PDE1C: variants seen among roughly 807,000 people sequenced by gnomAD.
The protein encoded by PDE1C is dual specificity calcium/calmodulin-dependent 3',5'-cyclic nucleotide phosphodiesterase 1C.
A neutral mutation model predicts 93.1 loss-of-function variants in PDE1C; 62 were observed. The observed-to-expected ratio is 0.67, with a 90% confidence interval of 0.54 to 0.82. PDE1C has a LOEUF of 0.82. Among genes scored for constraint, PDE1C ranks in the 40% least tolerant of loss-of-function variants. The pLI is 0.00. For synonymous variants in PDE1C, 325 were observed against 310.1 expected (o/e 1.05, Z -0.50); for missense variants, 742 against 884.6 (o/e 0.84, Z 2.04).
Position 31,848,104 on chromosome 7 carries a change from G to T in PDE1C, c.852-8C>A. The T allele has an allele frequency of 1.2e-6, 2 of 1,610,328 alleles. No homozygotes were observed. Among genetic ancestry groups the T allele is most frequent in the Admixed American group, 1.7e-5 (1 of 59,636 alleles). ...AGAATAGCTGGATCAGACCTGAACA[G>T]AAAGCCAAGCAAAATTCAGAATGTT... On this transcript the variant is annotated splice_region_variant and splice_polypyrimidine_tract_variant and intron_variant, in intron 8 of 17. Coordinates refer to ENST00000396191, the MANE Select transcript of PDE1C (RefSeq NM_001191057.4).
chr7:32,093,155 G>T (rs1000424834), intron 3 of PDE1C, among the ~76,000 whole-genome samples: 2 of 152,178 alleles, frequency 1.3e-5, no homozygotes, highest in South Asian at 2.1e-4. Flanking sequence ...TACATAGAAG[G>T]GTAGGTAGAA....
the PDE1C span, among the ~76,000 whole-genome samples, chr7:31,730,203 T>A: frequency 6.6e-6 from 1 of 152,140 alleles, no homozygotes; most frequent in Admixed American, 6.5e-5. Flanking sequence ...AATTAGGTAG[T>A]TCACCAATAG....
At chr7:32,223,997 C>T (rs190216984) in intron 1 of PDE1C, among the ~76,000 whole-genome samples, 2 of 152,210 alleles carry the variant, frequency 1.3e-5, no homozygotes, top group East Asian at 3.9e-4. Flanking sequence ...AGCTGCTCCA[C>T]CTGCGGCCTT....
intron 5 of PDE1C, among the ~76,000 whole-genome samples, chr7:31,875,831 A>ATATATATATG (rs761399274): frequency 0.012 from 1,096 of 90,002 alleles, 86 homozygotes; most frequent in East Asian, 0.029. Context: ...ATATATATAT[A>ATATATATATG]TATAATGGAA....
intron 1 of PDE1C, among the ~76,000 whole-genome samples, chr7:32,285,042 A>AG (rs1335959116): frequency 1.3e-5 from 2 of 151,870 alleles, no homozygotes; most frequent in Non-Finnish European, 2.9e-5. Context: ...AAAAAAAAAA[A>AG]AGAAAAAAGA....
At chr7:31,643,388 A>G in the PDE1C span, 2 of 1,613,962 alleles carry the variant, frequency 1.2e-6, no homozygotes. Flanking sequence ...CTGCCTGGAG[A>G]TCCTGCCCAG....
chr7:31,942,639 T>A (rs972766722), intron 2 of PDE1C, among the ~76,000 whole-genome samples: 6 of 152,198 alleles, frequency 3.9e-5, no homozygotes, highest in African/African-American at 1.4e-4. Context: ...CCATTCTTCT[T>A]GGAAGTTATT....
the PDE1C span, among the ~76,000 whole-genome samples, chr7:31,683,060 T>C: frequency 3.2e-4 from 48 of 152,124 alleles, no homozygotes; most frequent in Non-Finnish European, 4.4e-5. Flanking sequence ...ATGTTTAGTA[T>C]CTTGACTGGT....
At chr7:32,364,038 G>A (rs1264057090) in intron 1 of PDE1C, among the ~76,000 whole-genome samples, 1 of 152,124 alleles carries the variant, frequency 6.6e-6, no homozygotes, top group Non-Finnish European at 1.5e-5. Context: ...TAGCTAATAA[G>A]TGACATCTGG....
At chr7:32,242,949 G>C (rs113503036) in intron 1 of PDE1C, among the ~76,000 whole-genome samples, 252 of 152,306 alleles carry the variant, frequency 1.7e-3, no homozygotes, top group Middle Eastern at 6.8e-3. Context: ...AAAAGAGAGA[G>C]ATTGAAGGAT....
At chr7:32,066,683 T>C (rs1276656586) in intron 1 of PDE1C, among the ~76,000 whole-genome samples, 1 of 152,074 alleles carries the variant, frequency 6.6e-6, no homozygotes, top group African/African-American at 2.4e-5. Context: ...CAGGGGTATA[T>C]AGAACACCCA....
chr7:32,170,432 C>T (rs887803919), intron 2 of PDE1C, among the ~76,000 whole-genome samples: 11 of 152,072 alleles, frequency 7.2e-5, no homozygotes, highest in Non-Finnish European at 1.0e-4. Flanking sequence ...AGGAAAATTA[C>T]ATGTAGTTTA....
At chr7:31,725,470 A>G in the PDE1C span, among the ~76,000 whole-genome samples, 2 of 152,318 alleles carry the variant, frequency 1.3e-5, no homozygotes, top group Admixed American at 1.3e-4. Context: ...TACAACTGAG[A>G]ACTTCCTGAG....
chr7:32,177,135 G>GA (rs997750047), intron 2 of PDE1C, among the ~76,000 whole-genome samples: 1 of 152,208 alleles, frequency 6.6e-6, no homozygotes, highest in East Asian at 1.9e-4. Flanking sequence ...CGTGTGCGGA[G>GA]AAAAAAGGCC....
chr7:32,122,108 A>T (rs1427027959), intron 3 of PDE1C, among the ~76,000 whole-genome samples: 2 of 152,238 alleles, frequency 1.3e-5, no homozygotes, highest in East Asian at 1.9e-4. Flanking sequence ...ACCAACAAAG[A>T]TCAAAAAAGA....
At position 32,325,534 on chromosome 7, in the gene PDE1C, TC is replaced by T. The variant is rs542235687; in HGVS notation, c.310+102287del. 3.0e-3 allele frequency among the ~76,000 whole-genome samples: 455 copies of T among 152,356 alleles called. 3 individuals carry two copies. Among genetic ancestry groups the T allele is most frequent in the Non-Finnish European group, 5.0e-3 (341 of 68,034 alleles). On this transcript the variant is annotated intron_variant, in intron 1 of 1. Coordinates refer to the PDE1C transcript ENST00000672256. ...ACACCTTTTCCTCTGTTCTACGTTT[TC>T]CCCTGACACTGATTTCCTTCTAACA...
At chr7:31,682,072 T>C in the PDE1C span, among the ~76,000 whole-genome samples, 1 of 152,196 alleles carries the variant, frequency 6.6e-6, no homozygotes, top group African/African-American at 2.4e-5. Flanking sequence ...CTTAGCTGTC[T>C]ACTTGACCTC....
chr7:31,755,295 A>G (rs559620992), intron 17 of PDE1C, among the ~76,000 whole-genome samples: 11 of 152,334 alleles, frequency 7.2e-5, no homozygotes, highest in African/African-American at 2.6e-4. Context: ...TATATAAAAT[A>G]CTTATAGATA....
chr7:31,865,996 T>G (rs771211444), intron 6 of PDE1C, among the ~76,000 whole-genome samples: 11 of 152,196 alleles, frequency 7.2e-5, no homozygotes, highest in African/African-American at 2.7e-4. Context: ...ATTAATTGTT[T>G]TGTCGTCTGA....
Sources: allele counts gnomAD v4.1 joint callset (sites outside exome capture counted in the v4.1 genomes callset), GRCh38; gene constraint gnomAD v4.1.1; transcripts MANE v1.5; gene names NCBI Gene and HGNC (gene_info 2026-07-23, HGNC 2026-07-21).